The following PI4KA variants were observed in gnomAD, a reference collection of about 807,000 sequenced individuals.
The protein encoded by PI4KA is PI4-kinase alpha.
PI4KA carries 122 observed loss-of-function variants against 271.4 expected under a neutral mutation model. The ratio of observed to expected loss-of-function variants is 0.45; its 90% CI spans 0.39 to 0.52. The LOEUF is 0.52. Ranked by LOEUF, PI4KA falls within the 20% of genes least tolerant of loss-of-function variation. The pLI is 0.00. For missense variants in PI4KA, 1,969 were observed against 2,769.1 expected, an observed-to-expected ratio of 0.71 and a Z score of 6.48; for synonymous variants, 1,041 against 1,078.8, an observed-to-expected ratio of 0.96 and a Z score of 0.69.
At chr22:20,776,940 T>C (rs1933340472) in intron 19 of PI4KA, among the ~76,000 whole-genome samples, 1 of 152,212 alleles carries the variant, frequency 6.6e-6, no homozygotes, top group South Asian at 2.1e-4. Context: ...CAGTAACTCT[T>C]ACCTGGCCTC....
intron 7 of PI4KA, among the ~76,000 whole-genome samples, chr22:20,817,734 CAAAAAAAAAAAAAAAAAAAAAAA>C (rs361731): frequency 2.1e-4 from 3 of 13,972 alleles, no homozygotes; most frequent in South Asian, 5.2e-3. Context: ...ACTCTCTCTC[CAAAAAAAAAAAAAAAAAAAAAAA>C]AAAAAAAAAA....
chr22:20,727,963 G>T, intron 39 of PI4KA, 99 bp from the exon 40 acceptor site: 1 of 798,456 alleles, frequency 1.3e-6, no homozygotes, highest in Non-Finnish European at 2.1e-6. Flanking sequence ...ACACTGAACT[G>T]GAGGGATTCA....
intron 28 of PI4KA, among the ~76,000 whole-genome samples, chr22:20,748,805 A>G (rs1207739223): frequency 6.6e-6 from 1 of 152,162 alleles, no homozygotes; most frequent in Non-Finnish European, 1.5e-5. Context: ...CAGATACCCT[A>G]TTAAAACCAG....
chr22:20,825,687 T>A (rs1245358314), intron 3 of PI4KA, among the ~76,000 whole-genome samples: 4 of 152,174 alleles, frequency 2.6e-5, no homozygotes, highest in African/African-American at 7.2e-5. Context: ...CCAGAAATGA[T>A]GAAAACCCAA....
In PI4KA at chr22:20,813,488, C is replaced by T; in HGVS notation, c.875G>A (p.Gly292Glu). Residue 292 changes from glycine to glutamate, a missense_variant, in exon 8 of 55, where the codon GGG becomes GAG. This residue lies in a region of PI4KA where 540 missense variants were observed against 555.5 expected (regional missense o/e 0.97). Coordinates refer to ENST00000255882, the MANE Select transcript of PI4KA (RefSeq NM_058004.4). ...GTAGTACTCAGGCTCTAGGGCAGTC[C>T]CATCGGGCAAGCAGGAGGCTGGTGG... ...HYFEASCLPDGTALEPEYYFS... is the reference protein window; with the variant it reads ...HYFEASCLPDETALEPEYYFS... 6.2e-7 allele frequency: 1 copy of T among 1,613,920 alleles called. No individual in the cohort carries two copies. Among genetic ancestry groups the T allele is most frequent in the Non-Finnish European group, 8.5e-7 (1 of 1,179,962 alleles).
intron 32 of PI4KA, among the ~76,000 whole-genome samples, chr22:20,737,373 A>G (rs369751852): frequency 1.5e-4 from 23 of 152,298 alleles, no homozygotes; most frequent in Middle Eastern, 6.8e-3. Context: ...TCCTCCTACC[A>G]TCTGGGGCCT....
intron 9 of PI4KA, among the ~76,000 whole-genome samples, 164 bp from the exon 10 acceptor site, chr22:20,807,622 C>CTCT (rs986018971): frequency 2.0e-5 from 3 of 152,234 alleles, no homozygotes; most frequent in Non-Finnish European, 4.4e-5. Context: ...TGTCTTCATC[C>CTCT]TCTTAAGCAT....
At chr22:20,804,443 C>G (rs750921708) in intron 11 of PI4KA, 43 bp from the exon 12 acceptor site, 13 of 1,327,354 alleles carry the variant, frequency 9.8e-6, no homozygotes, top group Non-Finnish European at 1.3e-5. Flanking sequence ...TCAGCACAGG[C>G]CAGTCTTTCT....
intron 32 of PI4KA, among the ~76,000 whole-genome samples, chr22:20,735,972 G>A (rs575088849): frequency 4.7e-4 from 71 of 152,302 alleles, no homozygotes; most frequent in Non-Finnish European, 1.0e-3. Context: ...CTGTGCCAGG[G>A]CCTCGTGGAC....
Position 20,764,864 on chromosome 22 carries a change from G to A in PI4KA, c.2661C>T (p.Phe887=), listed in dbSNP as rs868580129. Residue 887 remains phenylalanine, a synonymous_variant, in exon 22 of 55, where the codon TTC becomes TTT. Transcript: ENST00000255882. ...CAGAGAGGAGGTAGGTGGACATGGCGAAGTCCAGCTTGTTGATGAGTGCGG... is the reference window on the plus strand; with the variant it reads ...CAGAGAGGAGGTAGGTGGACATGGCAAAGTCCAGCTTGTTGATGAGTGCGG... ...EVSALINKLD[F]AMSTYLLSVY... 4.3e-6 allele frequency: 7 copies of A among 1,613,506 alleles called. No homozygotes were observed. Among genetic ancestry groups the A allele is most frequent in the African/African-American group, 1.3e-5 (1 of 74,908 alleles).
At chr22:20,716,062 T>A (rs1324337711) in intron 45 of PI4KA, among the ~76,000 whole-genome samples, 2 of 152,058 alleles carry the variant, frequency 1.3e-5, no homozygotes, top group Non-Finnish European at 2.9e-5. Context: ...GTTAGTTTTT[T>A]TTTTTTGAGA....
At chr22:20,728,966 C>T (rs1927679980) in intron 39 of PI4KA, among the ~76,000 whole-genome samples, 1 of 152,196 alleles carries the variant, frequency 6.6e-6, no homozygotes. Context: ...AAACCCAAAC[C>T]CTCCCCAAGG....
rs1450465542 is a variant in PI4KA at position 20,838,542 on chromosome 22, A to C, written c.273+73T>G. The C allele has an allele frequency of 4.0e-5, 33 of 831,726 alleles. 1 individual carries two copies. Among genetic ancestry groups the C allele is most frequent in the Middle Eastern group, 2.3e-4 (1 of 4,414 alleles). 51.5% of individuals were successfully genotyped at this position (831,726 alleles called of 1,614,324 possible). A position where few individuals can be genotyped will look rare whatever the true frequency, so the allele number is the denominator to read the frequency against. On this transcript the variant is annotated intron_variant, in intron 2 of 54. Transcript: ENST00000255882. ...TCTACTATTGCTTTAGGTAAATATA[A>C]GCAGATACAAACTTAAACGCTCACT...
intron 10 of PI4KA, among the ~76,000 whole-genome samples, 197 bp from the exon 11 acceptor site, chr22:20,805,362 A>T (rs1028068924): frequency 6.6e-6 from 1 of 152,206 alleles, no homozygotes; most frequent in Non-Finnish European, 1.5e-5. Context: ...ACGTGCACAC[A>T]ACCTGGCAAT....
rs776163950 is a variant in PI4KA, at chr22:20,819,904, G to C, written c.530-4C>G. 1.9e-6 allele frequency: 3 copies of C among 1,611,858 alleles called. No individual in the cohort carries two copies. The highest frequency in any genetic ancestry group is 1.6e-4 in the Middle Eastern group (1 of 6,074). On this transcript the variant is annotated splice_polypyrimidine_tract_variant and splice_region_variant and intron_variant, in intron 5 of 54. Coordinates refer to ENST00000255882, the MANE Select transcript of PI4KA (RefSeq NM_058004.4). ...ATAGCATACTTGCAAAGGTATTCTAGAAGATCAAGTGAAAACGTTACAATA... is the reference window on the plus strand; with the variant it reads ...ATAGCATACTTGCAAAGGTATTCTACAAGATCAAGTGAAAACGTTACAATA...
At chr22:20,783,756 C>G (rs774547264) in intron 19 of PI4KA, among the ~76,000 whole-genome samples, 15 of 152,202 alleles carry the variant, frequency 9.9e-5, no homozygotes, top group Non-Finnish European at 2.1e-4. Flanking sequence ...AGACCCTACT[C>G]CAGAAACTAT....
intron 1 of PI4KA, among the ~76,000 whole-genome samples, chr22:20,855,283 A>G (rs1212593050): frequency 6.6e-6 from 1 of 151,946 alleles, no homozygotes; most frequent in Admixed American, 6.6e-5. Flanking sequence ...TATTTTTATT[A>G]TACTTTAAGT....
intron 31 of PI4KA, 114 bp downstream of exon 31, chr22:20,742,494 T>C (rs1163691667): frequency 1.3e-6 from 2 of 1,539,212 alleles, no homozygotes; most frequent in African/African-American, 2.7e-5. Context: ...GATACTCCTC[T>C]ACTGGGGGAG....
chr22:20,802,776 G>C (rs1935402957), intron 13 of PI4KA, among the ~76,000 whole-genome samples: 1 of 152,298 alleles, frequency 6.6e-6, no homozygotes, highest in East Asian at 1.9e-4. Context: ...TGAGACTGTG[G>C]GTAAGAGGGT....
Sources: allele counts gnomAD v4.1 joint callset (sites outside exome capture counted in the v4.1 genomes callset), GRCh38; gene constraint gnomAD v4.1.1; regional missense constraint gnomAD v4.1.1; transcripts MANE v1.5; gene names NCBI Gene and HGNC (gene_info 2026-07-23, HGNC 2026-07-21).